ASTN2: variants seen among roughly 807,000 people sequenced by gnomAD.
The protein encoded by ASTN2 is astrotactin-2.
ASTN2 carries 54 observed loss-of-function variants against 139.8 expected under a neutral mutation model. That is an observed-to-expected ratio of 0.39 (90% CI 0.31 to 0.48). The LOEUF is 0.48. ASTN2 is among the 20% of genes least tolerant of loss of function. The pLI, the probability that ASTN2 is intolerant of heterozygous loss-of-function variation, is 0.95. For missense variants in ASTN2, 1,565 were observed against 1,725.1 expected (o/e 0.91, Z 1.64); for synonymous variants, 756 against 719.5 (o/e 1.05, Z -0.81).
intron 19 of ASTN2, among the ~76,000 whole-genome samples, chr9:116,564,446 G>C (rs562528797): frequency 6.6e-6 from 1 of 152,174 alleles, no homozygotes; most frequent in Non-Finnish European, 1.5e-5. Flanking sequence ...CAGGTGCCTT[G>C]CTACCCCCAT....
At chr9:116,620,475 G>T (rs753172595) in intron 17 of ASTN2, 32 bp from the exon 18 acceptor site, 1 of 1,613,484 alleles carries the variant, frequency 6.2e-7, no homozygotes, top group Non-Finnish European at 8.5e-7. Flanking sequence ...AATAGACAAT[G>T]ATGACAACAG....
At chr9:117,238,468 G>A (rs1833111614) in intron 2 of ASTN2, among the ~76,000 whole-genome samples, 1 of 152,152 alleles carries the variant, frequency 6.6e-6, no homozygotes, top group Non-Finnish European at 1.5e-5. Context: ...ATCTCCAAGG[G>A]TCCTCCCAGT....
rs191142931 is a variant in ASTN2, at chr9:116,680,028, C to A, written c.2807-28235G>T. Among the ~76,000 whole-genome samples the A allele has an allele frequency of 5.0e-3, 765 of 152,030 alleles. 9 individuals carry two copies. Among genetic ancestry groups the A allele is most frequent in the East Asian group, 0.019 (96 of 5,166 alleles). On this transcript the variant is annotated intron_variant, in intron 16 of 22. Transcript: ENST00000313400. Reference sequence around the variant, plus strand: ...AGGCAAGAAATAACTAAAATCAGAGCAGAAGTGAAGGAAATAGAGACACAA... The same window carrying A: ...AGGCAAGAAATAACTAAAATCAGAGAAGAAGTGAAGGAAATAGAGACACAA...
intron 2 of ASTN2, among the ~76,000 whole-genome samples, chr9:117,282,201 G>A (rs540453219): frequency 3.3e-5 from 5 of 152,246 alleles, no homozygotes; most frequent in South Asian, 2.1e-4. Context: ...TCCGTCTCTA[G>A]TAATTTCAAC....
At chr9:116,929,753 T>C (rs368071490) in intron 10 of ASTN2, among the ~76,000 whole-genome samples, 23 of 152,322 alleles carry the variant, frequency 1.5e-4, no homozygotes, top group East Asian at 1.3e-3. Flanking sequence ...ATTAAACCTA[T>C]ACTGTTAATA....
chr9:116,710,970 G>A (rs560932744), intron 16 of ASTN2, among the ~76,000 whole-genome samples: 2 of 152,308 alleles, frequency 1.3e-5, no homozygotes, highest in African/African-American at 2.4e-5. Flanking sequence ...TGGCCTGAAA[G>A]GATGGAAAGG....
intron 19 of ASTN2, among the ~76,000 whole-genome samples, chr9:116,519,261 A>G (rs1332457252): frequency 6.6e-6 from 1 of 152,120 alleles, no homozygotes; most frequent in Non-Finnish European, 1.5e-5. Flanking sequence ...ATAGGCCACA[A>G]AACAAGTCTC....
chr9:117,261,183 T>C (rs1588142845), intron 2 of ASTN2, among the ~76,000 whole-genome samples: 1 of 152,188 alleles, frequency 6.6e-6, no homozygotes, highest in African/African-American at 2.4e-5. Context: ...TTTGAGGGGA[T>C]GAAAGACAAC....
chr9:116,756,230 A>C (rs923779385), intron 13 of ASTN2, among the ~76,000 whole-genome samples: 3 of 152,154 alleles, frequency 2.0e-5, no homozygotes, highest in Non-Finnish European at 2.9e-5. Flanking sequence ...ATGCTTATTT[A>C]AGCTACATTT....
chr9:116,756,744 A>T (rs1829541466), intron 13 of ASTN2, among the ~76,000 whole-genome samples: 1 of 149,830 alleles, frequency 6.7e-6, no homozygotes, highest in Admixed American at 6.8e-5. Flanking sequence ...TGTTATCTCC[A>T]GTTATCTATA....
chr9:116,546,091 C>T lies in ASTN2; in HGVS notation c.3356-58591G>A, dbSNP rs550370636. On this transcript the variant is annotated intron_variant, in intron 19 of 22. Coordinates refer to ENST00000313400, the MANE Select transcript of ASTN2 (RefSeq NM_001365068.1). ...AGGGAGGAGATAAAGATGAGAGTGCCTCGGGAAGAGCAGGGATGGAGGAGA... is the reference window on the plus strand; with the variant it reads ...AGGGAGGAGATAAAGATGAGAGTGCTTCGGGAAGAGCAGGGATGGAGGAGA... The T allele has an allele frequency of 3.9e-5, 6 of 152,254 alleles. No homozygotes were observed. In the South Asian group the frequency reaches 1.2e-3, roughly 32 times the overall value. 9.4% of individuals were successfully genotyped at this position (152,254 alleles called of 1,614,324 possible). A position where few individuals can be genotyped will look rare whatever the true frequency, so the allele number is the denominator to read the frequency against.
At chr9:116,859,897 A>G (rs1467716934) in intron 11 of ASTN2, among the ~76,000 whole-genome samples, 1 of 152,216 alleles carries the variant, frequency 6.6e-6, no homozygotes, top group Admixed American at 6.5e-5. Flanking sequence ...CTTTCCTCAG[A>G]TCCTCCAGGT....
In ASTN2 at chr9:117,086,671, C is replaced by A. The variant is rs139926702; in HGVS notation, c.1276+9373G>T. On this transcript the variant is annotated intron_variant, in intron 5 of 22. Coordinates refer to ENST00000313400, the MANE Select transcript of ASTN2 (RefSeq NM_001365068.1). Reference sequence around the variant, plus strand: ...GGCTCTTCCTCCTCCTGTCCCTCACCCAGCGCTTTCTCCCCTGGCTTTCCA... The same window carrying A: ...GGCTCTTCCTCCTCCTGTCCCTCACACAGCGCTTTCTCCCCTGGCTTTCCA... Among the ~76,000 whole-genome samples the A allele has an allele frequency of 6.2e-3, 943 of 152,266 alleles. 5 individuals are homozygous for A. Among genetic ancestry groups the A allele is most frequent in the Middle Eastern group, 0.01 (3 of 294 alleles).
intron 4 of ASTN2, among the ~76,000 whole-genome samples, chr9:117,122,340 C>A (rs1829578199): frequency 6.6e-6 from 1 of 152,154 alleles, no homozygotes; most frequent in Non-Finnish European, 1.5e-5. Context: ...TAGGTCCAAG[C>A]AAGCTCAAGG....
intron 20 of ASTN2, among the ~76,000 whole-genome samples, chr9:116,471,561 T>C (rs1848813689): frequency 6.6e-6 from 1 of 151,064 alleles, no homozygotes; most frequent in Non-Finnish European, 1.5e-5. Flanking sequence ...ATTTCTGGCA[T>C]CCCGGGGAAA....
At chr9:116,576,258 G>A (rs916300117) in intron 19 of ASTN2, among the ~76,000 whole-genome samples, 2 of 152,126 alleles carry the variant, frequency 1.3e-5, no homozygotes, top group African/African-American at 2.4e-5. Context: ...CTAGGCATAC[G>A]ACCTGGTGTT....
intron 16 of ASTN2, among the ~76,000 whole-genome samples, chr9:116,661,053 T>C (rs971227485): frequency 2.0e-5 from 3 of 152,092 alleles, no homozygotes; most frequent in African/African-American, 4.8e-5. Flanking sequence ...CAGTTAAATT[T>C]CTGAGGCAGG....
chr9:116,481,106 G>A (rs1484251889), intron 20 of ASTN2, among the ~76,000 whole-genome samples: 1 of 152,184 alleles, frequency 6.6e-6, no homozygotes, highest in Non-Finnish European at 1.5e-5. Flanking sequence ...AACTGAAGCA[G>A]TCTGGGCATG....
At chr9:116,790,677 A>AT (rs372460577) in intron 13 of ASTN2, among the ~76,000 whole-genome samples, 39,065 of 138,140 alleles carry the variant, frequency 0.28, 5,465 homozygotes, top group Middle Eastern at 0.39. Flanking sequence ...ATCTCCAGAG[A>AT]TTTTTTTTTT....
Sources: gnomAD v4.1 joint callset for allele counts (sites outside exome capture counted in the v4.1 genomes callset) on GRCh38, gnomAD v4.1.1 for gene constraint, MANE v1.5 for transcripts, NCBI Gene and HGNC (gene_info 2026-07-23, HGNC 2026-07-21) for gene names.